The following GALNT13 variants were observed in gnomAD, a reference collection of about 807,000 sequenced individuals.
The protein encoded by GALNT13 is UDP-GalNAc:polypeptide N-acetylgalactosaminyltransferase 13.
Under a neutral mutation model 64.2 loss-of-function variants are expected in GALNT13, and 28 were observed. The ratio of observed to expected loss-of-function variants is 0.44; its 90% CI spans 0.32 to 0.60. GALNT13 has a LOEUF of 0.60. GALNT13 is among the 20% of genes least tolerant of loss of function. The pLI is 0.05. For synonymous variants in GALNT13, 214 were observed against 224.6 expected, an observed-to-expected ratio of 0.95 and a Z score of 0.42; for missense variants, 577 against 669.8, an observed-to-expected ratio of 0.86 and a Z score of 1.53.
At chr2:153,982,842 GA>G (rs200362213) in intron 3 of GALNT13, among the ~76,000 whole-genome samples, 2 of 151,414 alleles carry the variant, frequency 1.3e-5, no homozygotes, top group Non-Finnish European at 3.0e-5. Context: ...TCTGTCTGGG[GA>G]AAAAAAAGAA....
intron 9 of GALNT13, among the ~76,000 whole-genome samples, chr2:154,356,382 T>A (rs7582056): frequency 0.037 from 5,698 of 152,066 alleles, 353 homozygotes; most frequent in African/African-American, 0.13. Flanking sequence ...TGGATTTTAG[T>A]TATGAGAAAT....
the GALNT13 span, among the ~76,000 whole-genome samples, chr2:153,755,509 A>T: frequency 2.6e-5 from 4 of 151,986 alleles, no homozygotes; most frequent in Non-Finnish European, 5.9e-5. Context: ...AGTGATGTTG[A>T]GCATTTTTTA....
the GALNT13 span, among the ~76,000 whole-genome samples, chr2:153,324,022 T>C: frequency 6.6e-6 from 1 of 152,236 alleles, no homozygotes; most frequent in African/African-American, 2.4e-5. Flanking sequence ...TCTAATTCAG[T>C]GAAGAAAGTC....
At chr2:153,893,970 T>C (rs900969445) in intron 1 of GALNT13, among the ~76,000 whole-genome samples, 3 of 152,130 alleles carry the variant, frequency 2.0e-5, no homozygotes, top group Admixed American at 2.0e-4. Context: ...AATTATGCCA[T>C]GCTTTATTGT....
chr2:153,428,737 C>A, the GALNT13 span, among the ~76,000 whole-genome samples: 2 of 152,084 alleles, frequency 1.3e-5, no homozygotes, highest in Non-Finnish European at 2.9e-5. Flanking sequence ...TAGTAGCCAT[C>A]AGTTGACAGC....
At chr2:154,163,614 C>T (rs1012935428) in intron 4 of GALNT13, among the ~76,000 whole-genome samples, 35 of 152,144 alleles carry the variant, frequency 2.3e-4, no homozygotes, top group African/African-American at 8.0e-4. Flanking sequence ...GCGAGGATGG[C>T]TGTGTGTCCT....
the GALNT13 span, among the ~76,000 whole-genome samples, chr2:153,234,992 G>A: frequency 6.6e-6 from 1 of 152,254 alleles, no homozygotes; most frequent in East Asian, 1.9e-4. Flanking sequence ...CTTTTTGTTA[G>A]TATTATATCT....
the GALNT13 span, among the ~76,000 whole-genome samples, chr2:153,259,824 C>G: frequency 6.6e-6 from 1 of 152,132 alleles, no homozygotes; most frequent in African/African-American, 2.4e-5. Context: ...ATCTAACATA[C>G]TTGCCACGTT....
chr2:153,705,027 A>G, the GALNT13 span, among the ~76,000 whole-genome samples: 1 of 152,194 alleles, frequency 6.6e-6, no homozygotes, highest in East Asian at 1.9e-4. Context: ...CCACCACAAC[A>G]TTGCATACCT....
At chr2:153,382,002 T>G in the GALNT13 span, among the ~76,000 whole-genome samples, 1 of 152,138 alleles carries the variant, frequency 6.6e-6, no homozygotes, top group Non-Finnish European at 1.5e-5. Flanking sequence ...GGCAAAAAAG[T>G]AAAAACTCAA....
the GALNT13 span, among the ~76,000 whole-genome samples, chr2:153,647,549 G>A: frequency 2.6e-5 from 4 of 152,106 alleles, no homozygotes; most frequent in Non-Finnish European, 5.9e-5. Flanking sequence ...CCATGCCTAT[G>A]TCCTGAATGG....
At chr2:153,133,537 A>T in the GALNT13 span, among the ~76,000 whole-genome samples, 1 of 152,016 alleles carries the variant, frequency 6.6e-6, no homozygotes, top group South Asian at 2.1e-4. Context: ...TGTGTCTCCA[A>T]GCCTAATCTT....
chr2:153,734,222 G>A, the GALNT13 span, among the ~76,000 whole-genome samples: 1 of 152,116 alleles, frequency 6.6e-6, no homozygotes, highest in Non-Finnish European at 1.5e-5. Context: ...ACATTGACCA[G>A]AAGAGGTTTT....
At chr2:154,128,023 A>G (rs906008991) in intron 3 of GALNT13, among the ~76,000 whole-genome samples, 1 of 151,984 alleles carries the variant, frequency 6.6e-6, no homozygotes, top group Admixed American at 6.5e-5. Flanking sequence ...GTAAGTACAC[A>G]CGATATGCCC....
intron 3 of GALNT13, among the ~76,000 whole-genome samples, chr2:153,963,941 T>G (rs886697088): frequency 8.5e-5 from 13 of 152,142 alleles, no homozygotes; most frequent in Non-Finnish European, 1.9e-4. Flanking sequence ...ATGCTTCTTT[T>G]ATTGTTCTAG....
At chr2:153,393,763 AG>A in the GALNT13 span, among the ~76,000 whole-genome samples, 1 of 152,028 alleles carries the variant, frequency 6.6e-6, no homozygotes, top group African/African-American at 2.4e-5. Context: ...AGGAGGAAAA[AG>A]ATTGATCTCC....
At chr2:154,083,779 C>G (rs62171161) in intron 3 of GALNT13, among the ~76,000 whole-genome samples, 3,636 of 151,924 alleles carry the variant, frequency 0.024, 71 homozygotes, top group Non-Finnish European at 0.035. Context: ...GTGACAGTAG[C>G]AGCAGTTGTA....
intron 3 of GALNT13, among the ~76,000 whole-genome samples, chr2:153,969,661 T>G (rs974444852): frequency 1.3e-5 from 2 of 152,140 alleles, no homozygotes; most frequent in African/African-American, 4.8e-5. Context: ...TGTACACTAT[T>G]CCGCCTATTA....
intron 9 of GALNT13, among the ~76,000 whole-genome samples, chr2:154,385,454 C>G (rs1698467425): frequency 6.6e-6 from 1 of 151,856 alleles, no homozygotes; most frequent in African/African-American, 2.4e-5. Flanking sequence ...ATGACCCATT[C>G]TAGTAGAGTG....
Sources: allele counts gnomAD v4.1 joint callset (sites outside exome capture counted in the v4.1 genomes callset), GRCh38; gene constraint gnomAD v4.1.1; transcripts MANE v1.5; gene names NCBI Gene and HGNC (gene_info 2026-07-23, HGNC 2026-07-21).